Variants in EIF5A observed in about 807,000 individuals in gnomAD.
The protein encoded by EIF5A is eukaryotic translation initiation factor 5A.
Under a neutral mutation model 16.6 loss-of-function variants are expected in EIF5A, and 1 was observed. The observed-to-expected ratio is 0.06, with a 90% CI of 0.02 to 0.28. The LOEUF (loss-of-function observed/expected upper bound fraction) is 0.28. EIF5A is among the 10% of genes least tolerant of loss of function. EIF5A has a pLI of 1.00. For synonymous variants in EIF5A, 80 were observed against 73.6 expected (o/e 1.09, Z -0.44); for missense variants, 29 against 196.1 (o/e 0.15, Z 5.09).
intron 1 of EIF5A, 196 bp downstream of exon 1, chr17:7,307,948 C>T (rs2072675820): frequency 2.0e-6 from 2 of 984,564 alleles, no homozygotes; most frequent in Non-Finnish European, 2.4e-6. Flanking sequence ...TGGGGTTGGC[C>T]CGGTGACGTT....
chr17:7,310,418 A>C (rs2072784908), intron 2 of EIF5A: 1 of 1,180,934 alleles, frequency 8.5e-7, no homozygotes, highest in Non-Finnish European at 1.1e-6. Flanking sequence ...GTCTCTTTAG[A>C]ATTTCAACCT....
At chr17:7,309,401 T>TG (rs2072746972) in intron 1 of EIF5A, among the ~76,000 whole-genome samples, 1 of 152,172 alleles carries the variant, frequency 6.6e-6, no homozygotes, top group African/African-American at 2.4e-5. Flanking sequence ...CTTTGATTTA[T>TG]GGGGGAGAAA....
At chr17:7,308,504 C>T (rs1361900869) in intron 1 of EIF5A, 2 of 1,351,190 alleles carry the variant, frequency 1.5e-6, no homozygotes, top group Non-Finnish European at 2.0e-6. Flanking sequence ...CATATGTTAG[C>T]GCTTCCCAAC....
At chr17:7,307,898 GGCGCGGGCGCGCGCCCCGGTTGGC>G in intron 1 of EIF5A, 146 bp downstream of exon 1, 1 of 984,780 alleles carries the variant, frequency 1.0e-6, no homozygotes, top group Non-Finnish European at 1.2e-6. Context: ...GGTGAGGAGA[GGCGCGGGCGCGCGCCCCGGTTGGC>G]GCGCGGGGTG....
At chr17:7,311,208 T>C in intron 3 of EIF5A, 86 bp downstream of exon 3, 1 of 1,580,474 alleles carries the variant, frequency 6.3e-7, no homozygotes, top group Non-Finnish European at 8.6e-7. Flanking sequence ...GGAGAGCTTG[T>C]GCTGGGAGAG....
At chr17:7,311,296 A>T in intron 3 of EIF5A, 54 bp from the exon 4 acceptor site, 1 of 1,613,396 alleles carries the variant, frequency 6.2e-7, no homozygotes, top group Non-Finnish European at 8.5e-7. Context: ...CTTTACTGTC[A>T]TGTCAGCCTC....
upstream of EIF5A, chr17:7,307,238 G>A (rs534702432): frequency 1.8e-5 from 23 of 1,256,766 alleles, no homozygotes; most frequent in Non-Finnish European, 2.3e-5. Flanking sequence ...CGGCGTCTGA[G>A]GTGGAAGGGG....
At position 7,311,589 on chromosome 17, in the gene EIF5A, G is replaced by A. The variant is rs556766146; in HGVS notation, c.414G>A (p.Leu138=). The change falls in exon 5 of 6, where the codon CTG becomes CTA. Residue 138 remains leucine, a synonymous_variant. Coordinates refer to ENST00000336458, the MANE Select transcript of EIF5A (RefSeq NM_001970.5). Reference sequence around the variant, plus strand: ...TCTTGCTTCTCCAGATCACGGTGCTGTCTGCCATGACAGAGGAGGCAGCTG... The same window carrying A: ...TCTTGCTTCTCCAGATCACGGTGCTATCTGCCATGACAGAGGAGGCAGCTG... ...DCGEEILITV[L]SAMTEEAAVA... is the part of the protein sequence containing the mutation. 1.2e-6 allele frequency: 2 copies of A among 1,614,200 alleles called. No individual in the cohort carries two copies. The highest frequency in any genetic ancestry group is 1.7e-6 in the Non-Finnish European group (2 of 1,180,038).
At chr17:7,311,522 C>T in intron 4 of EIF5A, 41 bp downstream of exon 4, 1 of 1,614,102 alleles carries the variant, frequency 6.2e-7, no homozygotes, top group Non-Finnish European at 8.5e-7. Context: ...CAGCTTTGTT[C>T]TGTACGTTTC....
chr17:7,307,357 C>A, upstream of EIF5A: 1 of 1,233,150 alleles, frequency 8.1e-7, no homozygotes, highest in Non-Finnish European at 1.0e-6. Context: ...CCCGGTAGGA[C>A]GAGCGGTCTA....
chr17:7,308,324 TC>T, intron 1 of EIF5A: 8 of 1,158,506 alleles, frequency 6.9e-6, no homozygotes, highest in Non-Finnish European at 8.6e-6. Context: ...CGGGGACCCC[TC>T]CCCCCAGGTC....
chr17:7,311,934 G>A lies in EIF5A; in HGVS notation c.*124G>A, dbSNP rs1318134423. ...ACTCCTCCTACACAATTTATTTGACGTTTTATTTTGGTTTTCCCCACCCCC... is the reference window on the plus strand; with the variant it reads ...ACTCCTCCTACACAATTTATTTGACATTTTATTTTGGTTTTCCCCACCCCC... On this transcript the variant is annotated 3_prime_UTR_variant, in exon 6 of 6. Coordinates refer to ENST00000336458, the MANE Select transcript of EIF5A (RefSeq NM_001970.5). 9.9e-6 allele frequency: 5 copies of A among 504,386 alleles called. No individual in the cohort carries two copies. Among genetic ancestry groups the A allele is most frequent in the East Asian group, 3.6e-5 (1 of 27,974 alleles). 31.2% of individuals were successfully genotyped at this position (504,386 alleles called of 1,614,324 possible).
rs570238943 is a variant in EIF5A, at chr17:7,311,345, C to T, written c.271-5C>T. On this transcript the variant is annotated splice_region_variant and splice_polypyrimidine_tract_variant and intron_variant, in intron 3 of 5. Coordinates refer to ENST00000336458, the MANE Select transcript of EIF5A (RefSeq NM_001970.5). ...CCTTCAGCCTCCTTCCCTATCTGCC[C>T]CCAGCTGATTGGCATCCAGGATGGG... The T allele has an allele frequency of 1.3e-5, 21 of 1,614,080 alleles. No homozygotes were observed. The East Asian group carries it at 2.9e-4, about 22-fold the overall frequency.
rs111412081 is a variant in EIF5A at position 7,310,053 on chromosome 17, A to G, written c.165+253A>G. On this transcript the variant is annotated intron_variant, in intron 2 of 5. Coordinates refer to ENST00000336458, the MANE Select transcript of EIF5A (RefSeq NM_001970.5). ...CCTCCGTTTCTCCAGCTTTGTGCCA[A>G]TCTCTTCAATTCATAGGCCTTTATG... The G allele has an allele frequency of 7.2e-4, 1,064 of 1,475,220 alleles. 8 individuals carry two copies. In the African/African-American group the frequency reaches 0.013, roughly 18 times the overall value. 91.4% of individuals were successfully genotyped at this position (1,475,220 alleles called of 1,614,324 possible). A position where few individuals can be genotyped will look rare whatever the true frequency, so the allele number is the denominator to read the frequency against.
chr17:7,308,383 A>AGCCCC, intron 1 of EIF5A: 1 of 1,208,614 alleles, frequency 8.3e-7, no homozygotes, highest in Non-Finnish European at 1.1e-6. Flanking sequence ...AGGAGCCGGC[A>AGCCCC]GCCCCTAGCG....
chr17:7,307,467 C>G (rs2072656571), upstream of EIF5A: 1 of 1,040,972 alleles, frequency 9.6e-7, no homozygotes. Context: ...GGGGCGGGGT[C>G]ACGTATGCGC....
chr17:7,310,216 G>T (rs1169009981), intron 2 of EIF5A: 2 of 1,290,636 alleles, frequency 1.5e-6, no homozygotes, highest in Non-Finnish European at 2.0e-6. Context: ...AGGGACTCCT[G>T]CGTCAATTCT....
intron 2 of EIF5A, 21 bp from the exon 3 acceptor site, chr17:7,310,997 C>T: frequency 6.2e-7 from 1 of 1,600,602 alleles, no homozygotes; most frequent in South Asian, 1.1e-5. Flanking sequence ...TTGGGTTTCT[C>T]TTTGTGATGC....
At chr17:7,307,305 G>C, upstream of EIF5A, 1 of 1,192,970 alleles carries the variant, frequency 8.4e-7, no homozygotes, top group Non-Finnish European at 1.1e-6. Flanking sequence ...CCTTTAGAGG[G>C]TGTGGAGTGC....
Sources: gnomAD v4.1 joint callset for allele counts (sites outside exome capture counted in the v4.1 genomes callset) on GRCh38, gnomAD v4.1.1 for gene constraint, MANE v1.5 for transcripts, NCBI Gene and HGNC (gene_info 2026-07-23, HGNC 2026-07-21) for gene names.